Variants in FRMD5 observed in about 807,000 individuals in gnomAD.
FRMD5 encodes FERM domain-containing protein 5.
A neutral mutation model predicts 69.0 loss-of-function variants in FRMD5; 20 were observed. The observed-to-expected ratio is 0.29, with a 90% CI of 0.20 to 0.42. The LOEUF (loss-of-function observed/expected upper bound fraction) is 0.42. Among genes scored for constraint, FRMD5 ranks in the 10% least tolerant of loss-of-function variants. FRMD5 has a pLI of 1.00. For missense variants in FRMD5, 595 were observed against 708.6 expected (o/e 0.84, Z 1.82); for synonymous variants, 271 against 260.1 (o/e 1.04, Z -0.40).
chr15:44,132,843 C>T (rs973589888), intron 1 of FRMD5, among the ~76,000 whole-genome samples: 2 of 151,514 alleles, frequency 1.3e-5, no homozygotes, highest in African/African-American at 4.8e-5. Context: ...CTGCAACCTC[C>T]GTCTCCCGGG....
At chr15:43,901,729 T>C (rs973322472) in intron 7 of FRMD5, among the ~76,000 whole-genome samples, 1 of 152,158 alleles carries the variant, frequency 6.6e-6, no homozygotes, top group African/African-American at 2.4e-5. Flanking sequence ...CACAGGCGCA[T>C]AATGGCATTA....
At chr15:43,908,367 G>T (rs886240212) in intron 5 of FRMD5, among the ~76,000 whole-genome samples, 1 of 151,902 alleles carries the variant, frequency 6.6e-6, no homozygotes, top group African/African-American at 2.4e-5. Flanking sequence ...GGGCATCTTT[G>T]GGTATCTCCC....
intron 13 of FRMD5, among the ~76,000 whole-genome samples, chr15:43,878,109 C>G (rs2088415787): frequency 6.6e-6 from 1 of 152,086 alleles, no homozygotes; most frequent in Non-Finnish European, 1.5e-5. Flanking sequence ...CTCAGGTGAT[C>G]CTCCCACCTC....
chr15:44,063,242 T>A (rs1026892163), intron 1 of FRMD5, among the ~76,000 whole-genome samples: 1 of 152,212 alleles, frequency 6.6e-6, no homozygotes, highest in African/African-American at 2.4e-5. Flanking sequence ...TTAATTAAAT[T>A]TCTTTAAAAG....
intron 1 of FRMD5, among the ~76,000 whole-genome samples, chr15:44,049,526 T>C (rs1892567980): frequency 6.6e-6 from 1 of 152,108 alleles, no homozygotes; most frequent in South Asian, 2.1e-4. Flanking sequence ...TGTTGAGATG[T>C]AAAAATGGAA....
chr15:44,087,438 T>C (rs974014447), intron 1 of FRMD5, among the ~76,000 whole-genome samples: 2 of 152,138 alleles, frequency 1.3e-5, no homozygotes, highest in Non-Finnish European at 2.9e-5. Context: ...GAGAAAGTAG[T>C]CAAGGCAGGT....
At chr15:44,059,717 G>A (rs953192416) in intron 1 of FRMD5, among the ~76,000 whole-genome samples, 5 of 151,750 alleles carry the variant, frequency 3.3e-5, no homozygotes, top group South Asian at 2.1e-4. Flanking sequence ...GGGTTTCACC[G>A]TGTTAGCCAG....
In FRMD5 at chr15:43,981,109, G is replaced by A. The variant is rs138127821; in HGVS notation, c.103-56800C>T. 2.1e-3 allele frequency among the ~76,000 whole-genome samples: 314 copies of A among 152,190 alleles called. 1 individual carries two copies. Among genetic ancestry groups the A allele is most frequent in the African/African-American group, 7.1e-3 (295 of 41,528 alleles). On this transcript the variant is annotated intron_variant, in intron 1 of 13. Coordinates refer to ENST00000417257, the MANE Select transcript of FRMD5 (RefSeq NM_032892.5). ...TCACTCACTGCAGCCTCTGTCTCCC[G>A]GGTTCAAGTGATCTTCATGCCTCAG...
intron 1 of FRMD5, among the ~76,000 whole-genome samples, chr15:44,139,300 C>CAT (rs767340292): frequency 8.5e-6 from 1 of 118,272 alleles, no homozygotes; most frequent in Non-Finnish European, 1.9e-5. Context: ...CCTCTCTCTA[C>CAT]ACACACACAC....
chr15:44,155,682 C>T (rs2077515879), intron 1 of FRMD5, among the ~76,000 whole-genome samples: 1 of 151,200 alleles, frequency 6.6e-6, no homozygotes. Flanking sequence ...CAACCTCCAC[C>T]TCCCAGGTTC....
chr15:43,880,519 G>A (rs1042355275), intron 13 of FRMD5, among the ~76,000 whole-genome samples: 5 of 152,172 alleles, frequency 3.3e-5, no homozygotes, highest in African/African-American at 1.2e-4. Flanking sequence ...GGTAGCCCCT[G>A]TACTGATAAA....
chr15:44,115,536 T>C (rs1195253667), intron 1 of FRMD5, among the ~76,000 whole-genome samples: 1 of 152,180 alleles, frequency 6.6e-6, no homozygotes, highest in Non-Finnish European at 1.5e-5. Context: ...TGATATTATA[T>C]GAAACTACAG....
intron 1 of FRMD5, among the ~76,000 whole-genome samples, chr15:44,105,197 C>A (rs970436478): frequency 1.3e-5 from 2 of 151,818 alleles, no homozygotes; most frequent in African/African-American, 4.8e-5. Context: ...TCACCTCAGC[C>A]TCTTGAGTAG....
intron 13 of FRMD5, among the ~76,000 whole-genome samples, chr15:43,880,327 C>T (rs759350269): frequency 1.6e-4 from 24 of 152,106 alleles, no homozygotes; most frequent in Non-Finnish European, 2.9e-4. Context: ...TTGTTGGTTG[C>T]GCCCTTCTTC....
At chr15:44,165,738 G>A (rs1276840010) in intron 1 of FRMD5, among the ~76,000 whole-genome samples, 1 of 152,018 alleles carries the variant, frequency 6.6e-6, no homozygotes, top group African/African-American at 2.4e-5. Flanking sequence ...GGGAGGCCGA[G>A]GTGAAAGGAT....
chr15:43,909,171 G>A (rs2089237421), intron 5 of FRMD5, among the ~76,000 whole-genome samples: 1 of 151,962 alleles, frequency 6.6e-6, no homozygotes, highest in African/African-American at 2.4e-5. Context: ...GAGGCAGGTG[G>A]ATCACCTGAG....
chr15:43,965,720 T>G (rs896711527), intron 1 of FRMD5, among the ~76,000 whole-genome samples: 2 of 151,982 alleles, frequency 1.3e-5, no homozygotes, highest in African/African-American at 4.8e-5. Context: ...TAGCTGGGAT[T>G]ACAGGCATGC....
At chr15:44,018,008 T>A (rs9920249) in intron 1 of FRMD5, among the ~76,000 whole-genome samples, 137,200 of 152,168 alleles carry the variant, frequency 0.9, 62,415 homozygotes, top group East Asian at 1. Context: ...ATGTTTATCC[T>A]TTTTTGCTTA....
chr15:44,094,621 C>G (rs372920911), intron 1 of FRMD5, among the ~76,000 whole-genome samples: 1 of 152,092 alleles, frequency 6.6e-6, no homozygotes, highest in East Asian at 1.9e-4. Context: ...TTAACATTTT[C>G]TTTTGATTGT....
Sources: gnomAD v4.1 joint callset for allele counts (sites outside exome capture counted in the v4.1 genomes callset) on GRCh38, gnomAD v4.1.1 for gene constraint, MANE v1.5 for transcripts, NCBI Gene and HGNC (gene_info 2026-07-23, HGNC 2026-07-21) for gene names.